EXT1: variants seen among roughly 807,000 people sequenced by gnomAD.
EXT1 encodes the protein exostosin-1.
EXT1 carries 20 observed loss-of-function variants against 82.5 expected under a neutral mutation model. The observed-to-expected ratio is 0.24, with a 90% CI of 0.17 to 0.35. The LOEUF (loss-of-function observed/expected upper bound fraction) is 0.35, where lower values mean the gene tolerates loss of function less well. Among genes scored for constraint, EXT1 ranks in the 10% least tolerant of loss-of-function variants. EXT1 has a pLI of 1.00. For missense variants in EXT1, 757 were observed against 936.5 expected (o/e 0.81, Z 2.50); for synonymous variants, 348 against 350.8 (o/e 0.99, Z 0.09).
At chr8:117,876,014 A>G (rs1812963301) in intron 1 of EXT1, among the ~76,000 whole-genome samples, 1 of 152,240 alleles carries the variant, frequency 6.6e-6, no homozygotes. Context: ...AATTCATGCA[A>G]CAAATATTCT....
At chr8:117,840,720 G>A (rs185539308) in intron 1 of EXT1, among the ~76,000 whole-genome samples, 1 of 151,582 alleles carries the variant, frequency 6.6e-6, no homozygotes, top group Non-Finnish European at 1.5e-5. Flanking sequence ...ACAATAAAAA[G>A]ATAAATAATC....
chr8:118,011,794 T>C (rs1458944247), intron 1 of EXT1, among the ~76,000 whole-genome samples: 5 of 152,216 alleles, frequency 3.3e-5, no homozygotes, highest in Admixed American at 3.3e-4. Context: ...CCGTTAGTAT[T>C]CACTCAGAGA....
At chr8:117,821,585 G>T (rs908873295) in intron 5 of EXT1, among the ~76,000 whole-genome samples, 1 of 152,220 alleles carries the variant, frequency 6.6e-6, no homozygotes, top group African/African-American at 2.4e-5. Flanking sequence ...CTTTGTCACT[G>T]GTTGATGCTT....
intron 1 of EXT1, among the ~76,000 whole-genome samples, chr8:117,859,518 T>C (rs541519720): frequency 5.3e-5 from 8 of 152,320 alleles, no homozygotes; most frequent in African/African-American, 1.9e-4. Flanking sequence ...TGTAGGGTAG[T>C]GCAAGTTAAA....
chr8:117,970,450 G>C (rs577737064), intron 1 of EXT1, among the ~76,000 whole-genome samples: 5 of 152,020 alleles, frequency 3.3e-5, no homozygotes, highest in Non-Finnish European at 7.4e-5. Context: ...TTACAGGTGT[G>C]TACCACCATG....
intron 1 of EXT1, among the ~76,000 whole-genome samples, chr8:117,965,990 A>C (rs986087223): frequency 8.0e-6 from 1 of 125,654 alleles, no homozygotes; most frequent in Admixed American, 7.6e-5. Flanking sequence ...ACATACATGC[A>C]TATACACACA....
chr8:118,095,187 AG>A (rs903921970), intron 1 of EXT1, among the ~76,000 whole-genome samples: 1 of 152,236 alleles, frequency 6.6e-6, no homozygotes, highest in Non-Finnish European at 1.5e-5. Flanking sequence ...TTATTTTCAT[AG>A]AAACCTAAGA....
chr8:118,059,131 T>C (rs1355422490), intron 1 of EXT1, among the ~76,000 whole-genome samples: 14 of 152,238 alleles, frequency 9.2e-5, no homozygotes, highest in Admixed American at 9.2e-4. Flanking sequence ...AGGCAGAGGT[T>C]CCAAATCCTG....
intron 1 of EXT1, among the ~76,000 whole-genome samples, chr8:117,941,450 C>T (rs1014695003): frequency 6.6e-6 from 1 of 152,192 alleles, no homozygotes; most frequent in Non-Finnish European, 1.5e-5. Context: ...TGTGCAGCCT[C>T]CAGTAAGGCT....
chr8:117,942,237 C>T (rs548556629), intron 1 of EXT1, among the ~76,000 whole-genome samples: 10 of 152,298 alleles, frequency 6.6e-5, no homozygotes, highest in African/African-American at 2.4e-4. Flanking sequence ...CTCATTGTAC[C>T]TGTGTGCACA....
intron 6 of EXT1, among the ~76,000 whole-genome samples, chr8:117,819,328 AGAGG>A (rs1811881785): frequency 6.6e-6 from 1 of 152,232 alleles, no homozygotes; most frequent in Non-Finnish European, 1.5e-5. Flanking sequence ...GGGTCCTCCC[AGAGG>A]CTTTTTGGAT....
chr8:117,939,597 A>T (rs553616729), intron 1 of EXT1, among the ~76,000 whole-genome samples: 119 of 152,144 alleles, frequency 7.8e-4, no homozygotes, highest in Non-Finnish European at 1.4e-3. Flanking sequence ...GAAAAAGAAA[A>T]AAGAATAATA....
chr8:117,907,900 G>A (rs566576920), intron 1 of EXT1, among the ~76,000 whole-genome samples: 6 of 152,244 alleles, frequency 3.9e-5, no homozygotes, highest in African/African-American at 1.4e-4. Flanking sequence ...TGCCACATGT[G>A]GGTTTTTACA....
At chr8:118,032,508 CTTTT>C (rs1207517029) in intron 1 of EXT1, among the ~76,000 whole-genome samples, 1 of 133,158 alleles carries the variant, frequency 7.5e-6, no homozygotes, top group African/African-American at 2.8e-5. Context: ...AGGGTAACAA[CTTTT>C]TTTTTTTTTT....
At chr8:117,965,917 A>G (rs1357538236) in intron 1 of EXT1, among the ~76,000 whole-genome samples, 1 of 152,170 alleles carries the variant, frequency 6.6e-6, no homozygotes, top group African/African-American at 2.4e-5. Flanking sequence ...ACTTGGAGGA[A>G]TAACCAAGCA....
chr8:118,035,241 G>A (rs906475924), intron 1 of EXT1, among the ~76,000 whole-genome samples: 4 of 152,032 alleles, frequency 2.6e-5, no homozygotes, highest in South Asian at 2.1e-4. Context: ...AGCCTCACTC[G>A]CACACAGGAA....
chr8:118,030,707 A>G (rs990364897), intron 1 of EXT1, among the ~76,000 whole-genome samples: 6 of 151,990 alleles, frequency 3.9e-5, no homozygotes, highest in Non-Finnish European at 5.9e-5. Context: ...GTCTCGAACT[A>G]CTGACCTCAA....
At chr8:117,814,109 G>A (rs1355982173) in intron 7 of EXT1, among the ~76,000 whole-genome samples, 1 of 151,750 alleles carries the variant, frequency 6.6e-6, no homozygotes, top group Non-Finnish European at 1.5e-5. Flanking sequence ...AGGAGAAGAA[G>A]AAGAAAAAAT....
intron 1 of EXT1, among the ~76,000 whole-genome samples, chr8:118,066,084 A>C (rs941431573): frequency 3.3e-5 from 5 of 152,202 alleles, no homozygotes; most frequent in African/African-American, 1.2e-4. Context: ...GATATGAGTT[A>C]ATCAACTATA....
Sources: allele counts gnomAD v4.1 joint callset (sites outside exome capture counted in the v4.1 genomes callset), GRCh38; gene constraint gnomAD v4.1.1; transcripts MANE v1.5; gene names NCBI Gene and HGNC (gene_info 2026-07-23, HGNC 2026-07-21).